TYR: variants seen among roughly 807,000 people sequenced by gnomAD.
TYR encodes LB24-AB.
A neutral mutation model predicts 51.5 loss-of-function variants in TYR; 58 were observed. The observed-to-expected ratio is 1.13, with a 90% CI of 0.91 to 1.40. TYR has a LOEUF of 1.40. Among genes scored for constraint, TYR ranks in the 40% most tolerant of loss-of-function variants. The pLI, the probability that TYR is intolerant of heterozygous loss-of-function variation, is 0.00. For synonymous variants in TYR, 263 were observed against 235.2 expected, an observed-to-expected ratio of 1.12 and a Z score of -1.08; for missense variants, 732 against 647.4, an observed-to-expected ratio of 1.13 and a Z score of -1.42.
At chr11:89,201,410 T>A (rs1007111794) in intron 2 of TYR, among the ~76,000 whole-genome samples, 5 of 152,138 alleles carry the variant, frequency 3.3e-5, no homozygotes, top group African/African-American at 1.2e-4. Flanking sequence ...GGCACAAATG[T>A]TTTTTCCCTA....
intron 2 of TYR, among the ~76,000 whole-genome samples, chr11:89,194,834 T>G (rs1002074451): frequency 1.3e-5 from 2 of 152,212 alleles, no homozygotes; most frequent in Admixed American, 6.6e-5. Context: ...CCATTTCATA[T>G]ACACATTTTT....
At chr11:89,182,443 G>A (rs35464565) in intron 1 of TYR, among the ~76,000 whole-genome samples, 5,290 of 152,096 alleles carry the variant, frequency 0.035, 127 homozygotes, top group Middle Eastern at 0.068. Flanking sequence ...ATCTTGTGTC[G>A]TTCTCTCTGG....
rs1943415477 is a variant in TYR, at chr11:89,189,519, G to C, written c.820-1683G>C. On this transcript the variant is annotated intron_variant, in intron 1 of 4. Coordinates refer to ENST00000263321, the MANE Select transcript of TYR (RefSeq NM_000372.5). ...CAAAATGAAACTATTTCTAGTCCTT[G>C]ACATTCTGAATATAATATAGATTAA... Among the ~76,000 whole-genome samples the C allele has an allele frequency of 2.0e-5, 3 of 151,750 alleles. No individual in the cohort carries two copies. In the South Asian group the frequency reaches 6.2e-4, roughly 32 times the overall value.
chr11:89,180,942 A>C (rs111645286), intron 1 of TYR, among the ~76,000 whole-genome samples: 1 of 152,174 alleles, frequency 6.6e-6, no homozygotes, highest in African/African-American at 2.4e-5. Context: ...GGAAGCTTCC[A>C]AAAAACCATT....
At chr11:89,207,912 C>T (rs1355647771) in intron 2 of TYR, among the ~76,000 whole-genome samples, 1 of 152,062 alleles carries the variant, frequency 6.6e-6, no homozygotes, top group Non-Finnish European at 1.5e-5. Context: ...GAATAAGGAG[C>T]ACATCAGATT....
At chr11:89,223,908 GTTT>G (rs66544506) in intron 2 of TYR, among the ~76,000 whole-genome samples, 1 of 143,102 alleles carries the variant, frequency 7.0e-6, no homozygotes, top group African/African-American at 2.5e-5. Context: ...TTCTTTAGCT[GTTT>G]TTTTTTTTTT....
At chr11:89,211,145 C>G (rs1322443493) in intron 2 of TYR, among the ~76,000 whole-genome samples, 1 of 152,014 alleles carries the variant, frequency 6.6e-6, no homozygotes, top group African/African-American at 2.4e-5. Flanking sequence ...AGTAAATGCC[C>G]CAATTAAAAG....
At chr11:89,210,892 C>G (rs1445319447) in intron 2 of TYR, among the ~76,000 whole-genome samples, 1 of 152,110 alleles carries the variant, frequency 6.6e-6, no homozygotes, top group East Asian at 1.9e-4. Context: ...AAATAAAATC[C>G]TTTACAGACA....
intron 1 of TYR, among the ~76,000 whole-genome samples, chr11:89,179,274 G>T (rs529897306): frequency 7.2e-4 from 109 of 152,208 alleles, no homozygotes; most frequent in African/African-American, 2.4e-3. Context: ...GTCCCGAGAA[G>T]GCACAATTTA....
chr11:89,255,838 CT>C (rs922347515), intron 3 of TYR, among the ~76,000 whole-genome samples: 2 of 151,304 alleles, frequency 1.3e-5, no homozygotes, highest in African/African-American at 2.4e-5. Context: ...TTTTATTTGT[CT>C]TTTTTTAAGA....
chr11:89,265,505 T>A (rs1944515237), intron 3 of TYR, among the ~76,000 whole-genome samples: 1 of 152,228 alleles, frequency 6.6e-6, no homozygotes, highest in Non-Finnish European at 1.5e-5. Flanking sequence ...AGAAAATAGA[T>A]AATAAGTAAT....
intron 3 of TYR, among the ~76,000 whole-genome samples, chr11:89,257,149 G>T (rs1266888594): frequency 6.6e-6 from 1 of 151,864 alleles, no homozygotes; most frequent in Admixed American, 6.6e-5. Flanking sequence ...TCTATCAGGG[G>T]TTCAACTAGC....
intron 3 of TYR, among the ~76,000 whole-genome samples, chr11:89,262,847 C>CA (rs771958187): frequency 0.27 from 5,194 of 19,206 alleles, 793 homozygotes; most frequent in African/African-American, 0.31. Context: ...GCTACTCATC[C>CA]AAAAAAAAAA....
chr11:89,246,065 C>T (rs539557389), intron 3 of TYR, among the ~76,000 whole-genome samples: 5 of 152,214 alleles, frequency 3.3e-5, no homozygotes, highest in Admixed American at 6.5e-5. Flanking sequence ...TTAAATACTC[C>T]GATGTGGCTG....
intron 3 of TYR, among the ~76,000 whole-genome samples, chr11:89,262,066 A>AT (rs796852091): frequency 1.9e-4 from 29 of 151,208 alleles, no homozygotes; most frequent in African/African-American, 4.6e-4. Flanking sequence ...GAGATTTTTT[A>AT]TTTTTTTTTG....
chr11:89,196,345 G>T (rs1461727507), intron 2 of TYR, among the ~76,000 whole-genome samples: 1 of 152,136 alleles, frequency 6.6e-6, no homozygotes, highest in Non-Finnish European at 1.5e-5. Flanking sequence ...TGTTTCTGGA[G>T]ACAGATAGGA....
intron 2 of TYR, among the ~76,000 whole-genome samples, chr11:89,221,497 A>T (rs16913011): frequency 0.025 from 3,841 of 152,316 alleles, 172 homozygotes; most frequent in African/African-American, 0.088. Context: ...GTATCTAGGG[A>T]CTTGCTTAGA....
chr11:89,191,155 A>T, intron 1 of TYR, 47 bp from the exon 2 acceptor site: 2 of 1,563,938 alleles, frequency 1.3e-6, no homozygotes, highest in East Asian at 4.5e-5. Flanking sequence ...TCTCCTACTG[A>T]CTCAGTGGTG....
At chr11:89,217,503 T>C (rs2135274046) in intron 2 of TYR, among the ~76,000 whole-genome samples, 1 of 152,316 alleles carries the variant, frequency 6.6e-6, no homozygotes, top group South Asian at 2.1e-4. Flanking sequence ...GGCCAAGCCT[T>C]GAAGTGGCCC....
Sources: allele counts gnomAD v4.1 joint callset (sites outside exome capture counted in the v4.1 genomes callset), GRCh38; gene constraint gnomAD v4.1.1; transcripts MANE v1.5; gene names NCBI Gene and HGNC (gene_info 2026-07-23, HGNC 2026-07-21).